Variants in MEGF10 observed in about 807,000 individuals in gnomAD.
MEGF10 encodes multiple epidermal growth factor-like domains protein 10.
In MEGF10, 86 loss-of-function variants were observed where a neutral mutation model predicts 147.5. That is an observed-to-expected ratio of 0.58 (90% CI 0.49 to 0.70). MEGF10 has a LOEUF of 0.70. MEGF10 is among the 30% of genes least tolerant of loss of function. The pLI is 0.00. For synonymous variants in MEGF10, 478 were observed against 525.5 expected, an observed-to-expected ratio of 0.91 and a Z score of 1.24; for missense variants, 1,329 against 1,487.3, an observed-to-expected ratio of 0.89 and a Z score of 1.75.
intron 2 of MEGF10, 42 bp downstream of exon 2, chr5:127,331,466 G>T: frequency 1.7e-6 from 2 of 1,147,166 alleles, no homozygotes; most frequent in Non-Finnish European, 2.6e-6. Context: ...TTGCTGAGAA[G>T]TTCCCTTATA....
chr5:127,237,520 T>A, the MEGF10 span, among the ~76,000 whole-genome samples: 12 of 152,064 alleles, frequency 7.9e-5, no homozygotes, highest in Non-Finnish European at 1.6e-4. Context: ...TTATTTAACT[T>A]TGATAAATGG....
At chr5:127,275,130 G>T in the MEGF10 span, among the ~76,000 whole-genome samples, 1 of 152,148 alleles carries the variant, frequency 6.6e-6, no homozygotes, top group Non-Finnish European at 1.5e-5. Flanking sequence ...ATAGGAAAAA[G>T]CTTAGACAGT....
chr5:127,378,194 C>T (rs1167318234), intron 5 of MEGF10, among the ~76,000 whole-genome samples: 1 of 152,172 alleles, frequency 6.6e-6, no homozygotes, highest in Non-Finnish European at 1.5e-5. Flanking sequence ...CTGTGCCTCC[C>T]TTTCCTCATG....
chr5:127,237,133 A>T, the MEGF10 span, among the ~76,000 whole-genome samples: 1,384 of 151,522 alleles, frequency 9.1e-3, 16 homozygotes, highest in African/African-American at 0.028. Flanking sequence ...GTCAGTTTTT[A>T]AAAAAAAAGG....
At chr5:127,328,708 G>T (rs1043459055) in intron 1 of MEGF10, among the ~76,000 whole-genome samples, 6 of 151,980 alleles carry the variant, frequency 3.9e-5, no homozygotes, top group African/African-American at 1.5e-4. Context: ...AGTCTGAGAT[G>T]ACTCAGGAAA....
the MEGF10 span, among the ~76,000 whole-genome samples, chr5:127,259,884 C>T: frequency 6.3e-4 from 96 of 152,206 alleles, 1 homozygote; most frequent in Admixed American, 2.6e-3. Flanking sequence ...TGGCCGGGCA[C>T]GGTGGCTCAT....
intron 1 of MEGF10, among the ~76,000 whole-genome samples, chr5:127,322,278 T>C (rs774141906): frequency 1.3e-5 from 2 of 152,096 alleles, no homozygotes; most frequent in East Asian, 1.9e-4. Context: ...CCATTCCTGA[T>C]CTGGCCCTAA....
At chr5:127,253,142 G>T in the MEGF10 span, among the ~76,000 whole-genome samples, 3 of 151,918 alleles carry the variant, frequency 2.0e-5, no homozygotes, top group Non-Finnish European at 4.4e-5. Flanking sequence ...CTTTTCATAG[G>T]TTAAAAGAGA....
At chr5:127,430,751 C>T (rs1242012071) in intron 13 of MEGF10, among the ~76,000 whole-genome samples, 2 of 152,188 alleles carry the variant, frequency 1.3e-5, no homozygotes, top group African/African-American at 2.4e-5. Context: ...CAACTCCACA[C>T]CTTTCCCTGG....
chr5:127,306,279 A>G (rs1372450672), intron 1 of MEGF10, among the ~76,000 whole-genome samples: 1 of 152,124 alleles, frequency 6.6e-6, no homozygotes, highest in African/African-American at 2.4e-5. Context: ...GTTTCCTTTA[A>G]TGGTGAATAT....
chr5:127,263,307 C>G, the MEGF10 span, among the ~76,000 whole-genome samples: 4 of 144,250 alleles, frequency 2.8e-5, no homozygotes, highest in African/African-American at 1.0e-4. Context: ...GAGGGATTCT[C>G]GGGGGGGGGG....
At chr5:127,237,328 A>T in the MEGF10 span, among the ~76,000 whole-genome samples, 16 of 152,064 alleles carry the variant, frequency 1.1e-4, no homozygotes, top group African/African-American at 3.6e-4. Context: ...CCCTGTCTAT[A>T]CGAAAAATAC....
At chr5:127,366,268 C>T (rs1254098094) in intron 4 of MEGF10, among the ~76,000 whole-genome samples, 1 of 152,116 alleles carries the variant, frequency 6.6e-6, no homozygotes, top group African/African-American at 2.4e-5. Context: ...CTGCCTTCCT[C>T]TGTTGCTTCC....
chr5:127,371,420 A>G (rs1431239810), intron 5 of MEGF10, among the ~76,000 whole-genome samples: 2 of 152,092 alleles, frequency 1.3e-5, no homozygotes, highest in East Asian at 1.9e-4. Context: ...ACTGACCTCA[A>G]ATGTGATGTT....
chr5:127,327,106 C>T (rs1003949899), intron 1 of MEGF10, among the ~76,000 whole-genome samples: 6 of 152,092 alleles, frequency 3.9e-5, no homozygotes, highest in African/African-American at 1.4e-4. Flanking sequence ...GCTTGCCTTC[C>T]AAGTGGAGCT....
At chr5:127,325,515 G>T (rs191842155) in intron 1 of MEGF10, among the ~76,000 whole-genome samples, 15 of 152,060 alleles carry the variant, frequency 9.9e-5, no homozygotes, top group East Asian at 1.9e-4. Context: ...TATAATGACC[G>T]TGGGGTTGGC....
chr5:127,418,879 G>A (rs971632758), intron 10 of MEGF10, among the ~76,000 whole-genome samples: 5 of 152,294 alleles, frequency 3.3e-5, no homozygotes, highest in African/African-American at 1.2e-4. Context: ...CAAAGCTAAT[G>A]TAGGTGCAAG....
intron 20 of MEGF10, among the ~76,000 whole-genome samples, chr5:127,446,057 C>T (rs1765932558): frequency 6.6e-6 from 1 of 152,132 alleles, no homozygotes; most frequent in Non-Finnish European, 1.5e-5. Flanking sequence ...GATTAGGGAC[C>T]AGTTCTCCTG....
chr5:127,338,038 G>A (rs1487453775), intron 2 of MEGF10, among the ~76,000 whole-genome samples: 1 of 152,066 alleles, frequency 6.6e-6, no homozygotes. Context: ...CCAGAGACCA[G>A]CTGCAGAAAG....
Sources: allele counts gnomAD v4.1 joint callset (sites outside exome capture counted in the v4.1 genomes callset), GRCh38; gene constraint gnomAD v4.1.1; transcripts MANE v1.5; gene names NCBI Gene and HGNC (gene_info 2026-07-23, HGNC 2026-07-21).